MRPS6: variants seen among roughly 807,000 people sequenced by gnomAD.
MRPS6 encodes the protein small ribosomal subunit protein bS6m.
MRPS6 carries 6 observed loss-of-function variants against 13.1 expected under a neutral mutation model. The observed-to-expected ratio is 0.46, with a 90% CI of 0.25 to 0.91. MRPS6 has a LOEUF of 0.91. Ranked by LOEUF, MRPS6 falls within the 40% of genes least tolerant of loss-of-function variation. The pLI, the probability that MRPS6 is intolerant of heterozygous loss-of-function variation, is 0.18. For missense variants in MRPS6, 164 were observed against 155.6 expected (o/e 1.05, Z -0.29); for synonymous variants, 61 against 56.5 (o/e 1.08, Z -0.36).
At chr21:34,104,820 G>A (rs1365754012) in intron 1 of MRPS6, 2 of 999,884 alleles carry the variant, frequency 2.0e-6, no homozygotes, top group African/African-American at 3.5e-5. Context: ...TATGTGTTCT[G>A]TACCTTTACA....
chr21:34,135,804 G>T (rs1056754762), intron 2 of MRPS6: 7 of 530,192 alleles, frequency 1.3e-5, no homozygotes, highest in Admixed American at 6.6e-5. Flanking sequence ...TCTTGCTGTT[G>T]TTGTGGCCAT....
chr21:34,097,503 C>T (rs1441594598), intron 1 of MRPS6: 3 of 1,411,544 alleles, frequency 2.1e-6, no homozygotes. Context: ...AATTACAAGA[C>T]TTTATTTTCC....
At chr21:34,114,396 A>T (rs927991790) in intron 1 of MRPS6, among the ~76,000 whole-genome samples, 1 of 152,148 alleles carries the variant, frequency 6.6e-6, no homozygotes. Context: ...TACAAACTGC[A>T]ATTCAGCCAG....
At chr21:34,129,082 A>T (rs1235744623) in intron 2 of MRPS6, among the ~76,000 whole-genome samples, 1 of 152,122 alleles carries the variant, frequency 6.6e-6, no homozygotes, top group African/African-American at 2.4e-5. Flanking sequence ...TGGTGTGGAA[A>T]ATTCTTACTG....
At chr21:34,107,943 A>G (rs1013088309) in intron 1 of MRPS6, among the ~76,000 whole-genome samples, 1 of 152,142 alleles carries the variant, frequency 6.6e-6, no homozygotes, top group Non-Finnish European at 1.5e-5. Context: ...GGGTATCATG[A>G]CTTCTGGGCC....
rs376900193 is a variant in MRPS6, at chr21:34,135,163, G to GT, written c.186-7238dup. Among the ~76,000 whole-genome samples, 191 of 152,046 alleles carry GT rather than the reference G, an allele frequency of 1.3e-3. 1 individual carries two copies. Among genetic ancestry groups the GT allele is most frequent in the East Asian group, 1.4e-3 (7 of 5,174 alleles). The stretch of plus-strand genomic sequence containing the variant: ...ATGGCATTGTATGTAGTGAATATTT[G>GT]TTTTTTTCCAGTTTGGGGTTGTTAT... On this transcript the variant is annotated intron_variant, in intron 2 of 2. Transcript: ENST00000399312.
chr21:34,083,037 G>C (rs1452083192), intron 1 of MRPS6, among the ~76,000 whole-genome samples: 1 of 152,138 alleles, frequency 6.6e-6, no homozygotes, highest in Non-Finnish European at 1.5e-5. Context: ...GCATTTTTCT[G>C]CTTCTGCCCC....
chr21:34,133,348 C>A (rs775600404), intron 2 of MRPS6, among the ~76,000 whole-genome samples: 5 of 152,108 alleles, frequency 3.3e-5, no homozygotes, highest in Non-Finnish European at 7.3e-5. Context: ...AGAACACTTT[C>A]AGGAGGGCTG....
chr21:34,102,768 A>G, intron 1 of MRPS6: 2 of 1,000,158 alleles, frequency 2.0e-6, no homozygotes, highest in East Asian at 1.1e-4. Flanking sequence ...GTTTTGCTCT[A>G]TACCACTGAA....
intron 1 of MRPS6, among the ~76,000 whole-genome samples, chr21:34,089,541 A>G (rs377690387): frequency 4.6e-5 from 7 of 152,310 alleles, no homozygotes; most frequent in African/African-American, 1.4e-4. Flanking sequence ...AAATGAATAT[A>G]TCTTGGGCGG....
intron 1 of MRPS6, among the ~76,000 whole-genome samples, chr21:34,089,816 T>C (rs1286296367): frequency 6.6e-6 from 1 of 152,228 alleles, no homozygotes; most frequent in Non-Finnish European, 1.5e-5. Flanking sequence ...GTATAATTAA[T>C]AACTTTTAAA....
intron 1 of MRPS6, among the ~76,000 whole-genome samples, chr21:34,112,537 A>G (rs371285883): frequency 4.6e-5 from 7 of 152,298 alleles, no homozygotes; most frequent in Non-Finnish European, 7.4e-5. Flanking sequence ...GTTTTAGAAC[A>G]TTCATAATCA....
At chr21:34,136,425 G>T (rs887240380) in intron 2 of MRPS6, among the ~76,000 whole-genome samples, 4 of 152,232 alleles carry the variant, frequency 2.6e-5, no homozygotes, top group African/African-American at 9.6e-5. Context: ...TGGGATTACA[G>T]GCGTGAGCCA....
At position 34,096,772 on chromosome 21, in the gene MRPS6, T is replaced by G. The variant is rs779810969; in HGVS notation, c.45+23027T>G. The G allele has an allele frequency of 1.9e-6, 3 of 1,614,046 alleles. No individual in the cohort carries two copies. On this transcript the variant is annotated intron_variant, in intron 1 of 2. Coordinates refer to ENST00000399312, the MANE Select transcript of MRPS6 (RefSeq NM_032476.4). This position sits in a 1 kb window ranked among gnomAD's most constrained non-coding sequence, Gnocchi z 5.9. Reference sequence around the variant, plus strand: ...GGATTGTTTTGGGTCACGGGACTCATTACTGTAATTGTGAGCCTTCTCACA... The same window carrying G: ...GGATTGTTTTGGGTCACGGGACTCAGTACTGTAATTGTGAGCCTTCTCACA...
rs528137642 is a variant in MRPS6 at position 34,102,299 on chromosome 21, C to G, written c.46-23042C>G. The G allele has an allele frequency of 2.0e-5, 20 of 998,976 alleles. No homozygotes were observed. In the African/African-American group the frequency reaches 3.5e-4, roughly 17 times the overall value. 61.9% of individuals were successfully genotyped at this position (998,976 alleles called of 1,614,324 possible). A position where few individuals can be genotyped will look rare whatever the true frequency, so the allele number is the denominator to read the frequency against. On this transcript the variant is annotated intron_variant, in intron 1 of 2. Coordinates refer to ENST00000399312, the MANE Select transcript of MRPS6 (RefSeq NM_032476.4). ...TATAAATGTTTTTATTTAAACTTCT[C>G]TCTCTTCAATGCTGAGAATAAGGCT...
rs140313043 is a variant in MRPS6 at position 34,084,711 on chromosome 21, G to A, written c.45+10966G>A. Among the ~76,000 whole-genome samples, 591 of 152,276 alleles carry A rather than the reference G, an allele frequency of 3.9e-3. 2 individuals carry two copies. The highest frequency in any genetic ancestry group is 7.0e-3 in the South Asian group (34 of 4,824). On this transcript the variant is annotated intron_variant, in intron 1 of 2. Transcript: ENST00000399312. ...TTGGTCATACGTAATGGTAAATACA[G>A]TAGTTTAATGAAATTTTGTATTGTA...
At chr21:34,120,567 T>C (rs1369280471) in intron 1 of MRPS6, among the ~76,000 whole-genome samples, 1 of 152,172 alleles carries the variant, frequency 6.6e-6, no homozygotes, top group African/African-American at 2.4e-5. Flanking sequence ...ATATAAAAAA[T>C]TAGCTTTAAT....
intron 1 of MRPS6, among the ~76,000 whole-genome samples, chr21:34,082,617 C>G (rs958189974): frequency 2.0e-5 from 3 of 152,058 alleles, no homozygotes; most frequent in Non-Finnish European, 4.4e-5. Context: ...GAAAAAAATT[C>G]AGGTGCTCTC....
intron 1 of MRPS6, chr21:34,095,329 G>A: frequency 6.2e-7 from 1 of 1,614,068 alleles, no homozygotes. Context: ...CTGGCGGGGC[G>A]CTCTATGACC....
Sources: allele counts gnomAD v4.1 joint callset (sites outside exome capture counted in the v4.1 genomes callset), GRCh38; gene constraint gnomAD v4.1.1; non-coding constraint Gnocchi (gnomAD v3.1); transcripts MANE v1.5; gene names NCBI Gene and HGNC (gene_info 2026-07-23, HGNC 2026-07-21).